The following STK32B variants were observed in gnomAD, a reference collection of about 807,000 sequenced individuals.
STK32B encodes the protein serine/threonine-protein kinase 32B.
In STK32B, 43 loss-of-function variants were observed where a neutral mutation model predicts 52.6. That is an observed-to-expected ratio of 0.82 (90% CI 0.64 to 1.05). STK32B has a LOEUF of 1.05. Ranked by LOEUF, STK32B falls within the 50% of genes least tolerant of loss-of-function variation. STK32B has a pLI of 0.00. For missense variants in STK32B, 621 were observed against 534.6 expected, an observed-to-expected ratio of 1.16 and a Z score of -1.59; for synonymous variants, 238 against 204.3, an observed-to-expected ratio of 1.17 and a Z score of -1.41.
chr4:5,092,609 G>T (rs1713152524), intron 1 of STK32B, among the ~76,000 whole-genome samples: 2 of 152,270 alleles, frequency 1.3e-5, no homozygotes, highest in Admixed American at 1.3e-4. Flanking sequence ...TTGGCTCACG[G>T]TTCTGCAGGC....
intron 11 of STK32B, among the ~76,000 whole-genome samples, chr4:5,480,161 T>A (rs111516174): frequency 2.9e-4 from 44 of 152,342 alleles, no homozygotes; most frequent in Middle Eastern, 6.8e-3. Flanking sequence ...TGCCATTCAA[T>A]TAAGTATTGT....
At chr4:5,459,025 T>C (rs1170664042) in intron 8 of STK32B, 1 of 152,294 alleles carries the variant, frequency 6.6e-6, no homozygotes, top group Non-Finnish European at 1.5e-5. Context: ...GACATCAGCA[T>C]GTTTTCAGAA....
chr4:5,217,211 G>A (rs1022519932), intron 3 of STK32B, among the ~76,000 whole-genome samples: 3 of 152,030 alleles, frequency 2.0e-5, no homozygotes, highest in Non-Finnish European at 4.4e-5. Flanking sequence ...TTTAGAGGAG[G>A]CATAATTTTT....
At chr4:5,236,979 A>G (rs765869048) in intron 3 of STK32B, among the ~76,000 whole-genome samples, 1 of 152,214 alleles carries the variant, frequency 6.6e-6, no homozygotes, top group Admixed American at 6.5e-5. Context: ...CAGCTGTACC[A>G]ACATCCACTG....
At chr4:5,077,183 C>T (rs11733367) in intron 1 of STK32B, among the ~76,000 whole-genome samples, 14,057 of 152,176 alleles carry the variant, frequency 0.092, 692 homozygotes, top group East Asian at 0.13. Context: ...TAATATTTGT[C>T]GAATGAATAA....
In STK32B at chr4:5,251,493, A is replaced by C. The variant is rs148605987; in HGVS notation, c.261-79727A>C. Among the ~76,000 whole-genome samples, 299 of 152,182 alleles carry C rather than the reference A, an allele frequency of 2.0e-3. 1 individual carries two copies. The highest frequency in any genetic ancestry group is 6.8e-3 in the African/African-American group (284 of 41,534). On this transcript the variant is annotated intron_variant, in intron 3 of 11. Transcript: ENST00000282908. ...TTTGTTTACTGTAGCCCTTTAGTAT[A>C]GTTTGAAGTCAGGTAAGCATGAAGC...
intron 6 of STK32B, chr4:5,427,133 C>T (rs530434037): frequency 6.6e-6 from 1 of 152,308 alleles, no homozygotes; most frequent in Non-Finnish European, 1.5e-5. Context: ...GGTCACATAG[C>T]ATTTCTAAAT....
chr4:5,305,770 T>G (rs1453933139), intron 3 of STK32B, among the ~76,000 whole-genome samples: 1 of 152,164 alleles, frequency 6.6e-6, no homozygotes, highest in Non-Finnish European at 1.5e-5. Context: ...TTCTTGTTTC[T>G]CTAGCTCCTT....
At chr4:5,427,191 T>C (rs1157268290) in intron 6 of STK32B, among the ~76,000 whole-genome samples, 1 of 152,228 alleles carries the variant, frequency 6.6e-6, no homozygotes, top group Non-Finnish European at 1.5e-5. Context: ...GTTGAAATAC[T>C]GCTGACTGAC....
intron 3 of STK32B, among the ~76,000 whole-genome samples, chr4:5,223,406 C>T (rs576632821): frequency 1.4e-4 from 21 of 152,200 alleles, no homozygotes; most frequent in African/African-American, 3.9e-4. Context: ...TGGCAGCCTG[C>T]GAGAGCTGTA....
intron 5 of STK32B, among the ~76,000 whole-genome samples, chr4:5,407,558 A>G (rs1159701940): frequency 6.6e-6 from 1 of 152,124 alleles, no homozygotes; most frequent in Admixed American, 6.5e-5. Flanking sequence ...CAGGCTGTAC[A>G]GGAGTCATGG....
At chr4:5,178,825 A>T (rs1037459845) in intron 3 of STK32B, among the ~76,000 whole-genome samples, 11 of 152,180 alleles carry the variant, frequency 7.2e-5, no homozygotes, top group Non-Finnish European at 1.6e-4. Context: ...CCATATCACT[A>T]TCAGCATTTT....
intron 4 of STK32B, among the ~76,000 whole-genome samples, chr4:5,355,396 A>C (rs1483437280): frequency 2.0e-5 from 3 of 151,870 alleles, no homozygotes; most frequent in African/African-American, 7.3e-5. Flanking sequence ...GACTACCTCC[A>C]TTTCTTCCAA....
upstream of STK32B, among the ~76,000 whole-genome samples, chr4:5,050,840 T>C (rs1741738158): frequency 6.6e-6 from 1 of 152,146 alleles, no homozygotes; most frequent in Non-Finnish European, 1.5e-5. Flanking sequence ...ACCCTCATGC[T>C]AGCCTCGCCC....
At chr4:5,272,597 A>T (rs1727518636) in intron 3 of STK32B, among the ~76,000 whole-genome samples, 2 of 152,180 alleles carry the variant, frequency 1.3e-5, no homozygotes, top group Non-Finnish European at 2.9e-5. Flanking sequence ...TTCCTCCTTC[A>T]AGGCTACAGT....
chr4:5,101,249 A>G (rs1713771484), intron 1 of STK32B, among the ~76,000 whole-genome samples: 1 of 152,040 alleles, frequency 6.6e-6, no homozygotes, highest in Non-Finnish European at 1.5e-5. Context: ...TCATTGCAGG[A>G]ATATTTGGGG....
At chr4:5,193,053 A>G (rs1471733372) in intron 3 of STK32B, among the ~76,000 whole-genome samples, 1 of 152,062 alleles carries the variant, frequency 6.6e-6, no homozygotes, top group Non-Finnish European at 1.5e-5. Flanking sequence ...GTGGCCCATG[A>G]AGAAGAGGAA....
intron 3 of STK32B, among the ~76,000 whole-genome samples, chr4:5,262,070 C>T (rs1405184950): frequency 2.0e-5 from 3 of 152,176 alleles, no homozygotes; most frequent in Non-Finnish European, 4.4e-5. Context: ...CGTCGTGCCT[C>T]CCTCCTTCCC....
intron 2 of STK32B, among the ~76,000 whole-genome samples, chr4:5,151,623 T>G (rs1717372652): frequency 6.6e-6 from 1 of 152,202 alleles, no homozygotes; most frequent in Non-Finnish European, 1.5e-5. Flanking sequence ...ACATTTAAAA[T>G]AACCATTTTA....
Sources: gnomAD v4.1 joint callset for allele counts (sites outside exome capture counted in the v4.1 genomes callset) on GRCh38, gnomAD v4.1.1 for gene constraint, MANE v1.5 for transcripts, NCBI Gene and HGNC (gene_info 2026-07-23, HGNC 2026-07-21) for gene names.